TMEM132C: variants seen among roughly 807,000 people sequenced by gnomAD.
TMEM132C encodes transmembrane protein 132C.
In TMEM132C, 29 loss-of-function variants were observed where a neutral mutation model predicts 61.4. That is an observed-to-expected ratio of 0.47 (90% CI 0.35 to 0.64). The LOEUF (loss-of-function observed/expected upper bound fraction) is 0.64. TMEM132C is among the 30% of genes least tolerant of loss of function. The pLI is 0.00. For missense variants in TMEM132C, 1,408 were observed against 1,476.9 expected (o/e 0.95, Z 0.76); for synonymous variants, 656 against 633.1 (o/e 1.04, Z -0.54).
At chr12:128,482,963 G>A (rs1216974670) in intron 2 of TMEM132C, among the ~76,000 whole-genome samples, 1 of 151,922 alleles carries the variant, frequency 6.6e-6, no homozygotes, top group African/African-American at 2.4e-5. Flanking sequence ...TGCTTGCTTG[G>A]CCAGGCATGG....
chr12:128,447,685 G>A (rs576013399), intron 2 of TMEM132C, among the ~76,000 whole-genome samples: 20 of 135,696 alleles, frequency 1.5e-4, no homozygotes, highest in Admixed American at 3.8e-4. Flanking sequence ...ACTCCTAGAC[G>A]TATGATATTA....
At chr12:128,376,515 TGAAA>T (rs1469310723) in intron 1 of TMEM132C, among the ~76,000 whole-genome samples, 6 of 152,196 alleles carry the variant, frequency 3.9e-5, no homozygotes, top group African/African-American at 1.4e-4. Flanking sequence ...AATAAGCAAC[TGAAA>T]AACTCATGAA....
chr12:128,313,568 G>A (rs764138113), intron 1 of TMEM132C, among the ~76,000 whole-genome samples: 1 of 152,192 alleles, frequency 6.6e-6, no homozygotes, highest in African/African-American at 2.4e-5. Flanking sequence ...AGGACTTGCT[G>A]GCCCAAACAG....
At chr12:128,510,051 G>C (rs891303128) in intron 2 of TMEM132C, among the ~76,000 whole-genome samples, 3 of 152,126 alleles carry the variant, frequency 2.0e-5, no homozygotes, top group African/African-American at 7.2e-5. Context: ...TGTTCTTAGG[G>C]TGTTAACCAA....
chr12:128,341,958 C>T (rs566349345), intron 1 of TMEM132C, among the ~76,000 whole-genome samples: 1 of 152,140 alleles, frequency 6.6e-6, no homozygotes, highest in Non-Finnish European at 1.5e-5. Context: ...TCTCTTTCCA[C>T]TACCACAGTC....
intron 2 of TMEM132C, among the ~76,000 whole-genome samples, chr12:128,431,511 C>A (rs1694283138): frequency 1.3e-5 from 2 of 150,028 alleles, no homozygotes; most frequent in Non-Finnish European, 1.5e-5. Flanking sequence ...GGTGAAATAG[C>A]TTCCTCTTGG....
At chr12:128,305,183 G>A (rs548568176) in intron 1 of TMEM132C, among the ~76,000 whole-genome samples, 7 of 151,934 alleles carry the variant, frequency 4.6e-5, no homozygotes, top group East Asian at 1.9e-4. Context: ...GTTCGGCCTC[G>A]GCAACACAGT....
chr12:128,652,887 C>A (rs1249519520), intron 4 of TMEM132C, among the ~76,000 whole-genome samples: 2 of 152,174 alleles, frequency 1.3e-5, no homozygotes, highest in Admixed American at 1.3e-4. Flanking sequence ...TATGTAATTA[C>A]CTACTTTTAA....
intron 3 of TMEM132C, among the ~76,000 whole-genome samples, chr12:128,583,613 C>T (rs866351037): frequency 2.6e-5 from 4 of 152,156 alleles, no homozygotes; most frequent in African/African-American, 7.2e-5. Flanking sequence ...GAGAGAGCTC[C>T]GTCAACAGCT....
rs573136927 is a variant in TMEM132C, at chr12:128,461,249, G to A, written c.974+45629G>A. Among the ~76,000 whole-genome samples, 4 of 152,240 alleles carry A rather than the reference G, an allele frequency of 2.6e-5. No homozygotes were observed. In the South Asian group the frequency reaches 8.3e-4, roughly 32 times the overall value. ...GATTCTCTTGCATCAGGTGCCGCAG[G>A]AGTCCAGACAAGGGACATAGAACTG... On this transcript the variant is annotated intron_variant, in intron 2 of 8. Transcript: ENST00000435159.
At chr12:128,477,182 G>C (rs1223902003) in intron 2 of TMEM132C, among the ~76,000 whole-genome samples, 2 of 152,148 alleles carry the variant, frequency 1.3e-5, no homozygotes, top group African/African-American at 4.8e-5. Flanking sequence ...GAGTGGGCTG[G>C]TCTGGGAATT....
At chr12:128,557,276 G>T (rs1395529603) in intron 3 of TMEM132C, among the ~76,000 whole-genome samples, 1 of 152,186 alleles carries the variant, frequency 6.6e-6, no homozygotes, top group Non-Finnish European at 1.5e-5. Context: ...AGGAGTTTCT[G>T]CTTTCTTCAT....
chr12:128,674,255 G>T (rs141146977), intron 5 of TMEM132C, among the ~76,000 whole-genome samples: 1 of 152,142 alleles, frequency 6.6e-6, no homozygotes, highest in South Asian at 2.1e-4. Context: ...CGTTGTTTTC[G>T]AAGCTCATCT....
At chr12:128,619,908 G>A (rs1953945558) in intron 4 of TMEM132C, among the ~76,000 whole-genome samples, 1 of 152,218 alleles carries the variant, frequency 6.6e-6, no homozygotes. Flanking sequence ...CTGTATGCGA[G>A]TGGCTGGGGT....
chr12:128,314,452 G>C (rs1300369047), intron 1 of TMEM132C, among the ~76,000 whole-genome samples: 1 of 152,132 alleles, frequency 6.6e-6, no homozygotes, highest in African/African-American at 2.4e-5. Context: ...CCTACCATCT[G>C]GCATCCGGAT....
At chr12:128,333,435 TTTTG>T (rs1448423198) in intron 1 of TMEM132C, among the ~76,000 whole-genome samples, 32 of 151,868 alleles carry the variant, frequency 2.1e-4, no homozygotes, top group South Asian at 4.2e-4. Context: ...TGTGTGAGTG[TTTTG>T]TTTATGTGTG....
intron 2 of TMEM132C, among the ~76,000 whole-genome samples, chr12:128,424,367 G>A (rs1309831503): frequency 6.6e-6 from 1 of 151,394 alleles, no homozygotes; most frequent in Admixed American, 6.6e-5. Flanking sequence ...ATATTTACAT[G>A]CAATGATATA....
chr12:128,539,378 A>C (rs777871192), intron 2 of TMEM132C, among the ~76,000 whole-genome samples: 54 of 152,322 alleles, frequency 3.5e-4, no homozygotes, highest in Non-Finnish European at 6.9e-4. Context: ...GCACTTTGAG[A>C]GGCCGAGGTG....
At chr12:128,269,822 A>T (rs1870451959) in intron 1 of TMEM132C, among the ~76,000 whole-genome samples, 1 of 37,602 alleles carries the variant, frequency 2.7e-5, no homozygotes, top group Admixed American at 2.7e-4. Flanking sequence ...TGCTGTCTTT[A>T]AAAAAAAAAA....
Sources: gnomAD v4.1 joint callset for allele counts (sites outside exome capture counted in the v4.1 genomes callset) on GRCh38, gnomAD v4.1.1 for gene constraint, MANE v1.5 for transcripts, NCBI Gene and HGNC (gene_info 2026-07-23, HGNC 2026-07-21) for gene names.